The following STEAP1B variants were observed in gnomAD, a reference collection of about 807,000 sequenced individuals.
The protein encoded by STEAP1B is STEAP family member 1B, also known as STEAP family protein MGC87042.
STEAP1B carries 13 observed loss-of-function variants against 27.9 expected under a neutral mutation model. The observed-to-expected ratio is 0.47, with a 90% confidence interval of 0.30 to 0.74. STEAP1B has a LOEUF of 0.74. Among genes scored for constraint, STEAP1B ranks in the 30% least tolerant of loss-of-function variants. STEAP1B has a pLI of 0.06. For synonymous variants in STEAP1B, 86 were observed against 107.1 expected, an observed-to-expected ratio of 0.80 and a Z score of 1.22; for missense variants, 250 against 298.7, an observed-to-expected ratio of 0.84 and a Z score of 1.20.
intron 1 of STEAP1B, among the ~76,000 whole-genome samples, chr7:22,497,229 G>A (rs1419797582): frequency 6.6e-6 from 1 of 152,234 alleles, no homozygotes. Flanking sequence ...ATATATGGAA[G>A]TGGAAGAGAG....
At chr7:22,487,305 A>G (rs1165988362) in intron 4 of STEAP1B, among the ~76,000 whole-genome samples, 4 of 152,188 alleles carry the variant, frequency 2.6e-5, no homozygotes, top group Non-Finnish European at 5.9e-5. Flanking sequence ...TTTCTAAACA[A>G]TAAAAACATA....
intron 4 of STEAP1B, among the ~76,000 whole-genome samples, chr7:22,457,606 T>C (rs1339244466): frequency 6.6e-6 from 1 of 152,242 alleles, no homozygotes; most frequent in Non-Finnish European, 1.5e-5. Context: ...TGATATGCAC[T>C]GTAAGATGTG....
At chr7:22,484,420 C>T (rs1461735010) in intron 4 of STEAP1B, among the ~76,000 whole-genome samples, 1 of 152,226 alleles carries the variant, frequency 6.6e-6, no homozygotes, top group East Asian at 1.9e-4. Flanking sequence ...GACAACACAT[C>T]TGTTTACAGC....
At chr7:22,491,982 T>C (rs998578021) in intron 4 of STEAP1B, among the ~76,000 whole-genome samples, 5 of 152,072 alleles carry the variant, frequency 3.3e-5, no homozygotes, top group African/African-American at 1.2e-4. Context: ...CATCCCCTCT[T>C]TTCTGATTCA....
rs577823299 is a variant in STEAP1B, at chr7:22,488,773, G to C, written c.762+3792C>G. On this transcript the variant is annotated intron_variant, in intron 4 of 4. Transcript: ENST00000678116. ...AGGGGACATATGCAATTGCAGACCT[G>C]AACCGCACAGACCTTGTCCCTTACA... is the stretch of plus-strand genomic sequence containing the variant. Among the ~76,000 whole-genome samples, 3 of 152,296 alleles carry C rather than the reference G, an allele frequency of 2.0e-5. No individual in the cohort carries two copies. The South Asian group carries it at 6.2e-4, about 32-fold the overall frequency.
intron 4 of STEAP1B, among the ~76,000 whole-genome samples, chr7:22,439,048 T>C (rs1785292900): frequency 6.6e-6 from 1 of 152,208 alleles, no homozygotes; most frequent in African/African-American, 2.4e-5. Flanking sequence ...AAATGTTTGA[T>C]GACATTTACT....
chr7:22,489,889 G>A (rs558604516), intron 4 of STEAP1B, among the ~76,000 whole-genome samples: 15 of 152,238 alleles, frequency 9.9e-5, no homozygotes, highest in African/African-American at 1.9e-4. Context: ...CCTCCTATCC[G>A]TATATCTGGG....
rs568096974 is a variant in STEAP1B, at chr7:22,450,177, T to G, written c.763-30341A>C. Among the ~76,000 whole-genome samples the G allele has an allele frequency of 2.0e-5, 3 of 152,326 alleles. No individual in the cohort carries two copies. The South Asian group carries it at 6.2e-4, about 32-fold the overall frequency. On this transcript the variant is annotated intron_variant, in intron 4 of 4. Transcript: ENST00000678116. ...CATTTTTGCTTTGGTTGCCTGTGCT[T>G]GTGGAGTATTACTCAAGTGCTTGTG...
chr7:22,428,652 C>T (rs1785139886), intron 4 of STEAP1B, among the ~76,000 whole-genome samples: 1 of 151,794 alleles, frequency 6.6e-6, no homozygotes, highest in African/African-American at 2.4e-5. Context: ...TGAAATCTAC[C>T]AATATTTAAA....
intron 4 of STEAP1B, among the ~76,000 whole-genome samples, chr7:22,464,948 C>CATATATATAAATATATATATAT (rs1785748119): frequency 2.2e-5 from 1 of 45,012 alleles, no homozygotes; most frequent in African/African-American, 5.6e-5. Flanking sequence ...TACCAAACCC[C>CATATATATAAATATATATATAT]ATATATATAT....
intron 4 of STEAP1B, among the ~76,000 whole-genome samples, chr7:22,428,289 G>T (rs1785134991): frequency 6.6e-6 from 1 of 152,194 alleles, no homozygotes; most frequent in Non-Finnish European, 1.5e-5. Context: ...AATACGCTTT[G>T]ATAAAATAGA....
intron 4 of STEAP1B, among the ~76,000 whole-genome samples, chr7:22,478,251 T>C (rs1039292447): frequency 2.0e-5 from 3 of 152,218 alleles, no homozygotes; most frequent in Admixed American, 2.0e-4. Flanking sequence ...CTGGGGTTTA[T>C]CTTCGGTTAC....
At chr7:22,457,956 T>C (rs1785615232) in intron 4 of STEAP1B, among the ~76,000 whole-genome samples, 1 of 152,094 alleles carries the variant, frequency 6.6e-6, no homozygotes, top group Admixed American at 6.6e-5. Context: ...ATAAACCAGC[T>C]CTCCCACCAT....
At chr7:22,461,907 CG>C (rs1785684821) in intron 4 of STEAP1B, among the ~76,000 whole-genome samples, 1 of 152,178 alleles carries the variant, frequency 6.6e-6, no homozygotes, top group Non-Finnish European at 1.5e-5. Flanking sequence ...CACCTGCCCA[CG>C]TGACTGTTAG....
chr7:22,431,112 G>C (rs1211503285), intron 4 of STEAP1B, among the ~76,000 whole-genome samples: 1 of 152,192 alleles, frequency 6.6e-6, no homozygotes, highest in Non-Finnish European at 1.5e-5. Flanking sequence ...ACAGAAACTT[G>C]AACTCAAATT....
chr7:22,480,638 C>T (rs1363189391), intron 4 of STEAP1B, among the ~76,000 whole-genome samples: 5 of 152,240 alleles, frequency 3.3e-5, no homozygotes, highest in African/African-American at 1.2e-4. Flanking sequence ...TCCAGGCACA[C>T]TGTCTATACC....
Position 22,456,952 on chromosome 7 carries a change from C to CCATATATATATATATATATATATATATA in STEAP1B, c.762+35612_762+35613insTATATATATATATATATATATATATATG, listed in dbSNP as rs1478025290. 6.8e-5 allele frequency among the ~76,000 whole-genome samples: 5 copies of CCATATATATATATATATATATATATATA among 73,286 alleles called. 1 individual carries two copies. The highest frequency in any genetic ancestry group is 1.6e-4 in the Admixed American group (1 of 6,194). The allele number at this position is 73,286 out of a possible 152,430, so 48.1% of individuals were successfully genotyped here. On this transcript the variant is annotated intron_variant, in intron 4 of 4. Transcript: ENST00000678116. ...TTCAGAATGGGGGTGGGATAGGCAG[C>CCATATATATATATATATATATATATATA]TATATATATATATATATATATTTTT...
At chr7:22,483,365 T>C (rs987465142) in intron 4 of STEAP1B, among the ~76,000 whole-genome samples, 4 of 152,214 alleles carry the variant, frequency 2.6e-5, no homozygotes, top group African/African-American at 9.6e-5. Context: ...TTACTCAGAT[T>C]ACAAAAACAG....
At chr7:22,441,820 G>A (rs1238288838) in intron 4 of STEAP1B, among the ~76,000 whole-genome samples, 3 of 152,182 alleles carry the variant, frequency 2.0e-5, no homozygotes, top group Non-Finnish European at 2.9e-5. Flanking sequence ...CACATACTGC[G>A]GCTTCACCAC....
Sources: allele counts gnomAD v4.1 joint callset (sites outside exome capture counted in the v4.1 genomes callset), GRCh38; gene constraint gnomAD v4.1.1; transcripts MANE v1.5; gene names NCBI Gene and HGNC (gene_info 2026-07-23, HGNC 2026-07-21).